BTBD9: variants seen among roughly 807,000 people sequenced by gnomAD.
BTBD9 encodes BTB domain containing 9, also known as BTB/POZ domain-containing protein 9.
Under a neutral mutation model 64.3 loss-of-function variants are expected in BTBD9, and 49 were observed. The ratio of observed to expected loss-of-function variants is 0.76; its 90% CI spans 0.61 to 0.97. The LOEUF (loss-of-function observed/expected upper bound fraction) is 0.97. BTBD9 is among the 50% of genes least tolerant of loss of function. BTBD9 has a pLI of 0.00. For missense variants in BTBD9, 598 were observed against 762.1 expected (o/e 0.78, Z 2.53); for synonymous variants, 260 against 274.7 (o/e 0.95, Z 0.53).
At chr6:38,285,864 A>G (rs988588311) in intron 8 of BTBD9, among the ~76,000 whole-genome samples, 1 of 152,224 alleles carries the variant, frequency 6.6e-6, no homozygotes, top group African/African-American at 2.4e-5. Context: ...AAGACAAAAG[A>G]AAGACAACTG....
At chr6:38,566,594 C>A (rs1349950344) in intron 6 of BTBD9, among the ~76,000 whole-genome samples, 1 of 152,110 alleles carries the variant, frequency 6.6e-6, no homozygotes, top group East Asian at 1.9e-4. Flanking sequence ...CAAAGTTCCC[C>A]AACAAAGAAA....
chr6:38,586,097 C>T (rs1207593817), intron 4 of BTBD9, among the ~76,000 whole-genome samples: 1 of 152,034 alleles, frequency 6.6e-6, no homozygotes, highest in African/African-American at 2.4e-5. Context: ...TATAAACATT[C>T]AGAAACAAGA....
chr6:38,512,789 T>C (rs1227725701), intron 6 of BTBD9, among the ~76,000 whole-genome samples: 3 of 152,230 alleles, frequency 2.0e-5, no homozygotes, highest in East Asian at 1.9e-4. Flanking sequence ...CCATTCTTTA[T>C]ATAAATACGT....
chr6:38,256,415 G>T lies in BTBD9; in HGVS notation c.1556C>A (p.Ser519Tyr). ...WTMVADRTKVSCKSWQSVTFE... is the reference protein window; with the variant it reads ...WTMVADRTKVYCKSWQSVTFE... ...CTGAAAAGACACAACTTACTTGCAGGAGACTTTAGTTCTGTCAGCAACCAT... is the reference window on the plus strand; with the variant it reads ...CTGAAAAGACACAACTTACTTGCAGTAGACTTTAGTTCTGTCAGCAACCAT... Residue 519 changes from serine (S) to tyrosine (Y), a missense_variant, in exon 9 of 11, where the codon TCC becomes TAC. Transcript: ENST00000481247. The T allele has an allele frequency of 6.2e-7, 1 of 1,610,140 alleles. No individual in the cohort carries two copies. Among genetic ancestry groups the T allele is most frequent in the Non-Finnish European group, 8.5e-7 (1 of 1,176,510 alleles).
intron 7 of BTBD9, among the ~76,000 whole-genome samples, chr6:38,333,709 C>T (rs1439827595): frequency 2.0e-5 from 3 of 152,196 alleles, no homozygotes; most frequent in African/African-American, 4.8e-5. Flanking sequence ...AGCAGAAGCC[C>T]GTACAGCCCA....
At chr6:38,374,309 A>ATATATATATATATACG (rs1765580535) in intron 6 of BTBD9, among the ~76,000 whole-genome samples, 2 of 105,692 alleles carry the variant, frequency 1.9e-5, no homozygotes, top group African/African-American at 4.0e-5. Flanking sequence ...ATATATATGT[A>ATATATATATATATACG]TATATATATA....
At chr6:38,324,083 A>AT (rs1393966662) in intron 7 of BTBD9, among the ~76,000 whole-genome samples, 3 of 152,196 alleles carry the variant, frequency 2.0e-5, no homozygotes, top group African/African-American at 7.2e-5. Flanking sequence ...AGCCCAGGTG[A>AT]CAGCCTGTCT....
At chr6:38,359,050 C>T (rs371394229) in intron 6 of BTBD9, among the ~76,000 whole-genome samples, 159 of 152,180 alleles carry the variant, frequency 1.0e-3, no homozygotes, top group African/African-American at 3.3e-3. Flanking sequence ...GGATTACAGG[C>T]GTGAGCCACC....
chr6:38,395,706 G>GTTT (rs112512335), intron 6 of BTBD9, among the ~76,000 whole-genome samples: 1 of 144,888 alleles, frequency 6.9e-6, no homozygotes. Flanking sequence ...AATGTTTACT[G>GTTT]TTTTTTTTTT....
At chr6:38,202,392 T>C (rs1762497295) in intron 9 of BTBD9, among the ~76,000 whole-genome samples, 1 of 151,908 alleles carries the variant, frequency 6.6e-6, no homozygotes, top group South Asian at 2.1e-4. Context: ...AAAAATGTCA[T>C]TTTTTACAGA....
intron 9 of BTBD9, among the ~76,000 whole-genome samples, chr6:38,219,950 T>C: frequency 6.6e-6 from 1 of 152,358 alleles, no homozygotes; most frequent in African/African-American, 2.4e-5. Context: ...TTATTTAATA[T>C]GGTAATATGG....
At position 38,639,207 on chromosome 6, in the gene BTBD9, G is replaced by A. The variant is rs534819289; in HGVS notation, c.-28+593C>T. Among the ~76,000 whole-genome samples the A allele has an allele frequency of 6.2e-4, 95 of 152,330 alleles. 1 individual carries two copies. Among genetic ancestry groups the A allele is most frequent in the African/African-American group, 2.2e-3 (92 of 41,572 alleles). The stretch of plus-strand genomic sequence containing the variant: ...TAACAACAATGTACTAAAACGCCAA[G>A]GAAACACATGCACATACATGTGAAG... On this transcript the variant is annotated intron_variant, in intron 1 of 10. Coordinates refer to ENST00000481247, the MANE Select transcript of BTBD9 (RefSeq NM_001099272.2).
At chr6:38,603,837 G>C (rs1777337843) in intron 1 of BTBD9, among the ~76,000 whole-genome samples, 1 of 152,160 alleles carries the variant, frequency 6.6e-6, no homozygotes, top group Non-Finnish European at 1.5e-5. Context: ...GCATTTACAA[G>C]CATATGGTTT....
At chr6:38,492,723 C>T (rs1377524207) in intron 6 of BTBD9, among the ~76,000 whole-genome samples, 1 of 152,094 alleles carries the variant, frequency 6.6e-6, no homozygotes, top group Non-Finnish European at 1.5e-5. Context: ...AATAGCATAT[C>T]AATTCTTTTC....
At chr6:38,322,466 T>C (rs1300515309) in intron 7 of BTBD9, among the ~76,000 whole-genome samples, 1 of 152,216 alleles carries the variant, frequency 6.6e-6, no homozygotes, top group African/African-American at 2.4e-5. Context: ...TAAGGAAAAT[T>C]ATACCTCCAG....
intron 6 of BTBD9, among the ~76,000 whole-genome samples, chr6:38,520,096 T>C (rs757060305): frequency 6.6e-6 from 1 of 151,788 alleles, no homozygotes; most frequent in Non-Finnish European, 1.5e-5. Context: ...CACATACATA[T>C]ACATTATGAT....
chr6:38,398,580 G>A (rs1477286096), intron 6 of BTBD9, among the ~76,000 whole-genome samples: 7 of 152,134 alleles, frequency 4.6e-5, no homozygotes, highest in Non-Finnish European at 8.8e-5. Flanking sequence ...GCCATCCTCT[G>A]TCTACCTGCT....
chr6:38,272,274 T>A (rs1765223268), intron 8 of BTBD9, among the ~76,000 whole-genome samples: 1 of 152,188 alleles, frequency 6.6e-6, no homozygotes, highest in South Asian at 2.1e-4. Context: ...ATATATCAGT[T>A]ATAGAGGAAG....
In BTBD9 at chr6:38,607,429, C is replaced by A. The variant is rs752238673; in HGVS notation, c.-27-9308G>T. Reference sequence around the variant, plus strand: ...AATGTTGCTACACGTTGGATAGTATCCAAACTTCTTAGTAGAAAACTTAAA... The same window carrying A: ...AATGTTGCTACACGTTGGATAGTATACAAACTTCTTAGTAGAAAACTTAAA... On this transcript the variant is annotated intron_variant, in intron 1 of 10. Transcript: ENST00000481247. Among the ~76,000 whole-genome samples the A allele has an allele frequency of 4.0e-4, 61 of 152,214 alleles. 1 individual carries two copies. Among genetic ancestry groups the A allele is most frequent in the South Asian group, 8.3e-4 (4 of 4,828 alleles).
Sources: allele counts gnomAD v4.1 joint callset (sites outside exome capture counted in the v4.1 genomes callset), GRCh38; gene constraint gnomAD v4.1.1; transcripts MANE v1.5; gene names NCBI Gene and HGNC (gene_info 2026-07-23, HGNC 2026-07-21).